SIAE: variants seen among roughly 807,000 people sequenced by gnomAD.
SIAE encodes the protein sialic acid acetylesterase.
A neutral mutation model predicts 52.6 loss-of-function variants in SIAE; 39 were observed. That is an observed-to-expected ratio of 0.74 (90% CI 0.57 to 0.97). The LOEUF (loss-of-function observed/expected upper bound fraction) is 0.97, where lower values mean the gene tolerates loss of function less well. Ranked by LOEUF, SIAE falls within the 50% of genes least tolerant of loss-of-function variation. The pLI is 0.00. For missense variants in SIAE, 592 were observed against 662.1 expected, an observed-to-expected ratio of 0.89 and a Z score of 1.16; for synonymous variants, 233 against 241.4, an observed-to-expected ratio of 0.97 and a Z score of 0.32.
chr11:124,647,960 TA>T, intron 6 of SIAE, 105 bp downstream of exon 6: 1 of 916,874 alleles, frequency 1.1e-6, no homozygotes, highest in Non-Finnish European at 1.8e-6. Context: ...GTGAGCTGAA[TA>T]AAATTATAAA....
intron 9 of SIAE, among the ~76,000 whole-genome samples, chr11:124,637,960 C>G (rs906861252): frequency 6.6e-6 from 1 of 152,182 alleles, no homozygotes; most frequent in Admixed American, 6.5e-5. Context: ...TTTAAATGTT[C>G]CATGTAGGAA....
Position 124,633,159 on chromosome 11 carries a change from T to C in SIAE, c.*3792A>G, listed in dbSNP as rs1942649620. ...CCTTTGTATTGCACCTCAGATAATG[T>C]GCTTTTTAGCTCAGTACACTGAAAC... On this transcript the variant is annotated 3_prime_UTR_variant, in exon 10 of 10. Transcript: ENST00000263593. The C allele has an allele frequency of 6.6e-6, 1 of 152,246 alleles. No individual in the cohort carries two copies. Among genetic ancestry groups the C allele is most frequent in the African/African-American group, 2.4e-5 (1 of 41,472 alleles). 9.4% of individuals were successfully genotyped at this position (152,246 alleles called of 1,614,324 possible). A position where few individuals can be genotyped will look rare whatever the true frequency, so the allele number is the denominator to read the frequency against.
At chr11:124,642,337 T>C (rs1425325965) in intron 7 of SIAE, among the ~76,000 whole-genome samples, 2 of 152,242 alleles carry the variant, frequency 1.3e-5, no homozygotes, top group Non-Finnish European at 2.9e-5. Context: ...AAATATTTAC[T>C]GAGCACCTAC....
intron 2 of SIAE, among the ~76,000 whole-genome samples, chr11:124,667,417 T>C (rs1943288618): frequency 6.6e-6 from 1 of 152,196 alleles, no homozygotes; most frequent in South Asian, 2.1e-4. Flanking sequence ...ACCCAAGAAT[T>C]AGAAGCACTT....
At chr11:124,654,927 C>G in intron 3 of SIAE, 134 bp from the exon 4 acceptor site, 3 of 986,146 alleles carry the variant, frequency 3.0e-6, no homozygotes, top group Non-Finnish European at 4.8e-6. Context: ...AACCAATGGG[C>G]TGCACTGAAT....
Position 124,637,087 on chromosome 11 carries a change from C to G in SIAE, c.1436G>C (p.Arg479Pro). 4 of 1,614,104 alleles carry G rather than the reference C, an allele frequency of 2.5e-6. No individual in the cohort carries two copies. The highest frequency in any genetic ancestry group is 2.5e-6 in the Non-Finnish European group (3 of 1,180,038). ...ACAAGGCCACGTGGTCCAAGCATAG[C>G]GGAGAGCAACCACAGTGCCATGACA... ...DSCHGTVVAL[R>P]YAWTTWPCEY... Residue 479 changes from arginine (R) to proline (P), a missense_variant, in exon 10 of 10, where the codon CGC (arginine) becomes CCC (proline). Transcript: ENST00000263593.
At chr11:124,673,571 G>C in intron 1 of SIAE, 71 bp downstream of exon 1, 1 of 1,517,044 alleles carries the variant, frequency 6.6e-7, no homozygotes, top group Non-Finnish European at 9.1e-7. Flanking sequence ...TCCGTGTCCC[G>C]CAGAGGACAC....
chr11:124,649,830 G>C (rs752638944), intron 4 of SIAE, 34 bp from the exon 5 acceptor site: 16 of 1,612,018 alleles, frequency 9.9e-6, no homozygotes, highest in Non-Finnish European at 1.4e-5. Context: ...AAAAGAGCCA[G>C]AGAAAGGTTG....
At chr11:124,654,841 G>C in intron 3 of SIAE, 48 bp from the exon 4 acceptor site, 1 of 1,608,618 alleles carries the variant, frequency 6.2e-7, no homozygotes, top group African/African-American at 1.3e-5. Context: ...TGGTGAACTA[G>C]CCTGACACCT....
At chr11:124,640,311 TAGAA>T (rs1230497762) in intron 7 of SIAE, among the ~76,000 whole-genome samples, 1 of 152,070 alleles carries the variant, frequency 6.6e-6, no homozygotes, top group Non-Finnish European at 1.5e-5. Context: ...TGAAAGATCA[TAGAA>T]AGAGAGGCTC....
At chr11:124,660,389 T>A in intron 3 of SIAE, 1 of 569,942 alleles carries the variant, frequency 1.8e-6, no homozygotes, top group Admixed American at 2.4e-5. Context: ...CCTTCTAAGT[T>A]CTTAACCTAT....
intron 7 of SIAE, among the ~76,000 whole-genome samples, chr11:124,640,802 T>C (rs1332046773): frequency 1.3e-5 from 2 of 152,252 alleles, no homozygotes; most frequent in African/African-American, 2.4e-5. Flanking sequence ...TGTCACTTCC[T>C]AGCCTAAGTG....
intron 7 of SIAE, among the ~76,000 whole-genome samples, chr11:124,646,889 A>G (rs973678065): frequency 6.6e-6 from 1 of 152,236 alleles, no homozygotes; most frequent in Non-Finnish European, 1.5e-5. Flanking sequence ...AGGCTCTACA[A>G]TCATTACAAA....
rs1942662823 is a variant in SIAE at position 124,633,843 on chromosome 11, C to A, written c.*3108G>T. 1 of 152,112 alleles carries A rather than the reference C, an allele frequency of 6.6e-6. No individual in the cohort carries two copies. Among genetic ancestry groups the A allele is most frequent in the Admixed American group, 6.5e-5 (1 of 15,272 alleles). 9.4% of individuals were successfully genotyped at this position (152,112 alleles called of 1,614,324 possible). On this transcript the variant is annotated 3_prime_UTR_variant, in exon 10 of 10. Transcript: ENST00000263593. ...GCTTTTATCATATAACAAATATTTTCCCACTATTACAGCCTGAGTAATACC... is the reference window on the plus strand; with the variant it reads ...GCTTTTATCATATAACAAATATTTTACCACTATTACAGCCTGAGTAATACC...
chr11:124,642,138 T>G (rs769190514), intron 7 of SIAE, among the ~76,000 whole-genome samples: 8 of 152,054 alleles, frequency 5.3e-5, no homozygotes, highest in Non-Finnish European at 1.0e-4. Context: ...ACCAACTGGA[T>G]ATGGAGAACA....
At chr11:124,671,396 C>T (rs1943353444) in intron 1 of SIAE, among the ~76,000 whole-genome samples, 1 of 152,116 alleles carries the variant, frequency 6.6e-6, no homozygotes. Flanking sequence ...AGGCAAAAAT[C>T]CTTGCCCACA....
At chr11:124,650,729 T>C (rs1346362241) in intron 4 of SIAE, among the ~76,000 whole-genome samples, 1 of 151,984 alleles carries the variant, frequency 6.6e-6, no homozygotes, top group Non-Finnish European at 1.5e-5. Flanking sequence ...GCTGAGATCG[T>C]GCCATTGCAC....
At chr11:124,642,650 TA>T (rs1942867302) in intron 7 of SIAE, among the ~76,000 whole-genome samples, 1 of 152,194 alleles carries the variant, frequency 6.6e-6, no homozygotes, top group South Asian at 2.1e-4. Flanking sequence ...CTCTTTGTGG[TA>T]GGGGGAACTC....
At chr11:124,673,955 G>A (rs1338175865), upstream of SIAE, 1 of 567,708 alleles carries the variant, frequency 1.8e-6, no homozygotes, top group Admixed American at 3.0e-5. Context: ...GAAAGGAGGT[G>A]AGGCCGCTTC....
Sources: gnomAD v4.1 joint callset for allele counts (sites outside exome capture counted in the v4.1 genomes callset) on GRCh38, gnomAD v4.1.1 for gene constraint, MANE v1.5 for transcripts, NCBI Gene and HGNC (gene_info 2026-07-23, HGNC 2026-07-21) for gene names.